The following SSBP2 variants were observed in gnomAD, a reference collection of about 807,000 sequenced individuals.
The protein encoded by SSBP2 is single stranded DNA binding protein 2.
In SSBP2, 17 loss-of-function variants were observed where a neutral mutation model predicts 61.8. The observed-to-expected ratio is 0.28, with a 90% confidence interval of 0.19 to 0.41. The LOEUF is 0.41. SSBP2 is among the 10% of genes least tolerant of loss of function. SSBP2 has a pLI of 1.00. For synonymous variants in SSBP2, 139 were observed against 141.3 expected (o/e 0.98, Z 0.12); for missense variants, 310 against 458.7 (o/e 0.68, Z 2.96).
chr5:81,699,822 A>G (rs1753846933), intron 1 of SSBP2, among the ~76,000 whole-genome samples: 1 of 149,300 alleles, frequency 6.7e-6, no homozygotes, highest in Admixed American at 6.6e-5. Context: ...AGGAATCACT[A>G]TTTATGACAG....
chr5:81,557,105 T>G lies in SSBP2; in HGVS notation c.283-43388A>C, dbSNP rs149885572. 9.1e-3 allele frequency among the ~76,000 whole-genome samples: 1,381 copies of G among 152,310 alleles called. 10 individuals are homozygous for G. Among genetic ancestry groups the G allele is most frequent in the Non-Finnish European group, 0.01 (704 of 67,988 alleles). ...AGAGCCTTTATGGCCTAGCCTCTAT[T>G]TAACTCTTGACAAATTCTAGGTTGA... is the stretch of plus-strand genomic sequence containing the variant. On this transcript the variant is annotated intron_variant, in intron 4 of 16. Transcript: ENST00000320672.
intron 1 of SSBP2, among the ~76,000 whole-genome samples, chr5:81,714,689 AATGTCT>A (rs1755053704): frequency 6.6e-6 from 1 of 152,138 alleles, no homozygotes; most frequent in African/African-American, 2.4e-5. Flanking sequence ...TGGCTGCATA[AATGTCT>A]TCTTTTGAGA....
intron 6 of SSBP2, among the ~76,000 whole-genome samples, chr5:81,475,311 G>C (rs1234178636): frequency 1.3e-5 from 2 of 152,050 alleles, no homozygotes; most frequent in Admixed American, 6.6e-5. Context: ...TTAACTTAAA[G>C]CATGAAAGTT....
At chr5:81,745,324 C>A (rs1165780062) in intron 1 of SSBP2, among the ~76,000 whole-genome samples, 2 of 152,054 alleles carry the variant, frequency 1.3e-5, no homozygotes, top group South Asian at 2.1e-4. Context: ...CTCTCACAGT[C>A]CAAGTTATGC....
At chr5:81,457,539 AAT>A (rs1306549302) in intron 10 of SSBP2, among the ~76,000 whole-genome samples, 1 of 152,206 alleles carries the variant, frequency 6.6e-6, no homozygotes, top group Non-Finnish European at 1.5e-5. Flanking sequence ...CAAGGGGAAA[AAT>A]AGTTATTTTA....
intron 3 of SSBP2, among the ~76,000 whole-genome samples, chr5:81,629,491 T>C (rs1747489830): frequency 1.3e-5 from 2 of 152,186 alleles, no homozygotes. Flanking sequence ...CATACCAAAT[T>C]ACCTGTCATT....
chr5:81,474,617 G>A, intron 6 of SSBP2, 55 bp from the exon 7 acceptor site: 1 of 1,324,886 alleles, frequency 7.5e-7, no homozygotes, highest in East Asian at 2.6e-5. Flanking sequence ...TATAAAATAA[G>A]TTTTTTAACA....
At chr5:81,496,737 T>C (rs1767315522) in intron 5 of SSBP2, among the ~76,000 whole-genome samples, 1 of 148,024 alleles carries the variant, frequency 6.8e-6, no homozygotes, top group South Asian at 2.1e-4. Context: ...CCTCCTCATT[T>C]TATGTAAAAG....
intron 4 of SSBP2, among the ~76,000 whole-genome samples, chr5:81,547,999 T>C (rs1771872886): frequency 6.6e-6 from 1 of 152,210 alleles, no homozygotes; most frequent in Admixed American, 6.5e-5. Flanking sequence ...GAATATACAA[T>C]ATACACGTAT....
In SSBP2 at chr5:81,501,256, T is replaced by C. The variant is rs1411052783; in HGVS notation, c.373-11947A>G. Among the ~76,000 whole-genome samples, 23 of 55,484 alleles carry C rather than the reference T, an allele frequency of 4.1e-4. 1 individual carries two copies. The highest frequency in any genetic ancestry group is 2.8e-3 in the African/African-American group (21 of 7,424). 36.4% of individuals were successfully genotyped at this position (55,484 alleles called of 152,430 possible). A position where few individuals can be genotyped will look rare whatever the true frequency, so the allele number is the denominator to read the frequency against. On this transcript the variant is annotated intron_variant, in intron 5 of 16. Coordinates refer to ENST00000320672, the MANE Select transcript of SSBP2 (RefSeq NM_012446.5). ...ATATATATATATATATATATATATA[T>C]ATATATATATATACACACACACACA...
At chr5:81,626,909 A>C (rs990337782) in intron 3 of SSBP2, among the ~76,000 whole-genome samples, 7 of 152,234 alleles carry the variant, frequency 4.6e-5, no homozygotes, top group African/African-American at 1.4e-4. Context: ...GTTACAATTC[A>C]GGAACTTGAA....
Position 81,503,346 on chromosome 5 carries a change from C to T in SSBP2, c.372+10282G>A, listed in dbSNP as rs538467847. ...GTGCATGCCTGTAATCCCAGCTACTCGGGAGGCTGAGGCAGGAGAATAGCT... is the reference window on the plus strand; with the variant it reads ...GTGCATGCCTGTAATCCCAGCTACTTGGGAGGCTGAGGCAGGAGAATAGCT... On this transcript the variant is annotated intron_variant, in intron 5 of 16. Transcript: ENST00000320672. Among the ~76,000 whole-genome samples the T allele has an allele frequency of 4.6e-5, 7 of 152,020 alleles. No individual in the cohort carries two copies. In the East Asian group the frequency reaches 9.7e-4, roughly 21 times the overall value.
chr5:81,615,319 ATTTAAAG>A (rs1298637436), intron 4 of SSBP2, 147 bp downstream of exon 4: 1 of 655,022 alleles, frequency 1.5e-6, no homozygotes, highest in Non-Finnish European at 2.7e-6. Context: ...TCTATTTCAC[ATTTAAAG>A]TTATGAACCT....
intron 1 of SSBP2, 152 bp from the exon 2 acceptor site, chr5:81,650,491 T>C (rs955787423): frequency 3.7e-5 from 17 of 461,276 alleles, no homozygotes; most frequent in Non-Finnish European, 5.0e-5. Context: ...TTATTAATAA[T>C]ACATGTATGT....
chr5:81,655,166 A>G (rs1476764539), intron 1 of SSBP2, among the ~76,000 whole-genome samples: 1 of 152,092 alleles, frequency 6.6e-6, no homozygotes, highest in Non-Finnish European at 1.5e-5. Context: ...TATACATATA[A>G]AGAAAAAGGC....
chr5:81,416,389 A>C lies in SSBP2; in HGVS notation c.*4115T>G, dbSNP rs1283475905. The C allele has an allele frequency of 1.3e-5, 2 of 152,246 alleles. No individual in the cohort carries two copies. The highest frequency in any genetic ancestry group is 4.8e-5 in the African/African-American group (2 of 41,456). The allele number at this position is 152,246 out of a possible 1,614,324, so 9.4% of individuals were successfully genotyped here. On this transcript the variant is annotated 3_prime_UTR_variant, in exon 17 of 17. Transcript: ENST00000320672. ...TCCTGGGAAAACTACTCTTAGTACT[A>C]TACACTATATGCAGATGAAAATGGT...
intron 3 of SSBP2, among the ~76,000 whole-genome samples, chr5:81,625,508 G>A (rs950477322): frequency 2.0e-5 from 3 of 152,084 alleles, no homozygotes; most frequent in Non-Finnish European, 4.4e-5. Flanking sequence ...TTATTCCCAA[G>A]CAGAAACAAG....
Position 81,741,755 on chromosome 5 carries a change from G to C in SSBP2, c.62+9226C>G, listed in dbSNP as rs140379253. On this transcript the variant is annotated intron_variant, in intron 1 of 16. Transcript: ENST00000320672. ...ATCCACTTATGTTACAAAAGCATAA[G>C]GATTTCAAACAAAAATCAGCTTTCA... Among the ~76,000 whole-genome samples the C allele has an allele frequency of 5.4e-3, 829 of 152,164 alleles. 8 individuals carry two copies. Among genetic ancestry groups the C allele is most frequent in the African/African-American group, 0.019 (780 of 41,500 alleles).
chr5:81,609,834 T>G (rs1016419134), intron 4 of SSBP2, among the ~76,000 whole-genome samples: 1 of 152,148 alleles, frequency 6.6e-6, no homozygotes, highest in Non-Finnish European at 1.5e-5. Context: ...TTTTAACCTT[T>G]TTTGCATACT....
Sources: gnomAD v4.1 joint callset for allele counts (sites outside exome capture counted in the v4.1 genomes callset) on GRCh38, gnomAD v4.1.1 for gene constraint, MANE v1.5 for transcripts, NCBI Gene and HGNC (gene_info 2026-07-23, HGNC 2026-07-21) for gene names.